Variants in OPCML observed in about 807,000 individuals in gnomAD.
OPCML encodes the protein opioid binding protein/cell adhesion molecule like.
A neutral mutation model predicts 37.8 loss-of-function variants in OPCML; 13 were observed. The observed-to-expected ratio is 0.34, with a 90% CI of 0.22 to 0.55. OPCML has a LOEUF of 0.55. Ranked by LOEUF, OPCML falls within the 20% of genes least tolerant of loss-of-function variation. The pLI, the probability that OPCML is intolerant of heterozygous loss-of-function variation, is 0.91. For synonymous variants in OPCML, 176 were observed against 168.8 expected, an observed-to-expected ratio of 1.04 and a Z score of -0.33; for missense variants, 341 against 435.6, an observed-to-expected ratio of 0.78 and a Z score of 1.93.
chr11:133,109,053 T>A (rs974302375), intron 1 of OPCML, among the ~76,000 whole-genome samples: 32 of 152,188 alleles, frequency 2.1e-4, no homozygotes, highest in African/African-American at 7.7e-4. Flanking sequence ...CTGGGTTTCC[T>A]GGCCGCTCTT....
intron 1 of OPCML, among the ~76,000 whole-genome samples, chr11:133,353,210 A>G (rs1471158773): frequency 6.6e-6 from 1 of 152,136 alleles, no homozygotes; most frequent in African/African-American, 2.4e-5. Context: ...CCTATTGCCC[A>G]GCTTGGAGTG....
At chr11:132,566,048 TA>T (rs568988694) in intron 3 of OPCML, among the ~76,000 whole-genome samples, 1 of 151,716 alleles carries the variant, frequency 6.6e-6, no homozygotes, top group African/African-American at 2.4e-5. Flanking sequence ...CAGAACAAAA[TA>T]AAAAAAACCT....
chr11:132,892,476 A>G (rs1368895931), intron 2 of OPCML, among the ~76,000 whole-genome samples: 1 of 152,238 alleles, frequency 6.6e-6, no homozygotes, highest in Admixed American at 6.5e-5. Flanking sequence ...TTTCAAAAGT[A>G]AAGTATTCTT....
chr11:132,570,764 T>TAG (rs1350468104), intron 3 of OPCML, among the ~76,000 whole-genome samples: 1 of 85,126 alleles, frequency 1.2e-5, no homozygotes, highest in Non-Finnish European at 2.2e-5. Flanking sequence ...AGTATATATA[T>TAG]ATATATATAT....
chr11:132,727,292 C>T lies in OPCML; in HGVS notation c.147-69973G>A, dbSNP rs537831330. 1.4e-4 allele frequency among the ~76,000 whole-genome samples: 22 copies of T among 152,310 alleles called. No homozygotes were observed. The South Asian group carries it at 3.7e-3, about 26-fold the overall frequency. ...GAGTCTAAAGCCCTGCTATTCAATACTAGGTGATCTGACGTTTCACCTGTG... is the reference window on the plus strand; with the variant it reads ...GAGTCTAAAGCCCTGCTATTCAATATTAGGTGATCTGACGTTTCACCTGTG... On this transcript the variant is annotated intron_variant, in intron 2 of 7. Coordinates refer to ENST00000524381, the MANE Select transcript of OPCML (RefSeq NM_001012393.5).
intron 1 of OPCML, among the ~76,000 whole-genome samples, chr11:133,242,985 C>A (rs773588757): frequency 6.6e-6 from 1 of 152,048 alleles, no homozygotes; most frequent in Non-Finnish European, 1.5e-5. Context: ...AATGTTACAC[C>A]GTGGTCTCTG....
intron 1 of OPCML, among the ~76,000 whole-genome samples, chr11:133,343,068 A>G (rs1012581045): frequency 2.6e-5 from 4 of 152,066 alleles, no homozygotes; most frequent in East Asian, 3.9e-4. Context: ...GCCTCAAACA[A>G]TCCTCCCAGC....
chr11:133,079,212 T>A (rs1269592308), intron 1 of OPCML, among the ~76,000 whole-genome samples: 1 of 152,172 alleles, frequency 6.6e-6, no homozygotes, highest in African/African-American at 2.4e-5. Context: ...CATTTTAAGC[T>A]AGTGTAAGTA....
intron 1 of OPCML, among the ~76,000 whole-genome samples, chr11:133,359,381 T>A (rs1311649483): frequency 2.0e-5 from 3 of 152,208 alleles, no homozygotes; most frequent in Admixed American, 1.3e-4. Flanking sequence ...CATATCCTAA[T>A]GATGTTGTCT....
At chr11:133,268,719 A>C (rs1941730914) in intron 1 of OPCML, among the ~76,000 whole-genome samples, 2 of 152,240 alleles carry the variant, frequency 1.3e-5, no homozygotes, top group Admixed American at 6.5e-5. Flanking sequence ...GAGCAAGTTA[A>C]ATTCATCATC....
intron 1 of OPCML, among the ~76,000 whole-genome samples, chr11:132,954,581 A>G (rs1167054848): frequency 2.6e-5 from 4 of 152,216 alleles, no homozygotes; most frequent in Non-Finnish European, 5.9e-5. Flanking sequence ...GCAGGGCGTT[A>G]AACATTGAAC....
intron 1 of OPCML, among the ~76,000 whole-genome samples, chr11:133,468,156 T>G (rs1441247218): frequency 6.6e-6 from 1 of 152,228 alleles, no homozygotes; most frequent in Non-Finnish European, 1.5e-5. Flanking sequence ...TTAAGGGGTT[T>G]TTCCTTGCCT....
At position 132,934,911 on chromosome 11, in the gene OPCML, G is replaced by C. The variant is rs6590667; in HGVS notation, c.146+8015C>G. 7.5e-3 allele frequency among the ~76,000 whole-genome samples: 1,141 copies of C among 152,148 alleles called. 14 individuals carry two copies. Among genetic ancestry groups the C allele is most frequent in the African/African-American group, 0.026 (1,084 of 41,480 alleles). On this transcript the variant is annotated intron_variant, in intron 2 of 7. Transcript: ENST00000524381. ...TCCTAGCACTTTGGGAGGCCGGGAT[G>C]GGGGGAACACCTGTGGTAGGGAGTT... is the stretch of plus-strand genomic sequence containing the variant.
At chr11:132,742,595 C>G (rs2136042474) in intron 2 of OPCML, among the ~76,000 whole-genome samples, 1 of 152,062 alleles carries the variant, frequency 6.6e-6, no homozygotes, top group South Asian at 2.1e-4. Context: ...CTAAGCCACT[C>G]TATCTCTGGT....
At chr11:132,543,117 A>G (rs2096360973) in intron 3 of OPCML, among the ~76,000 whole-genome samples, 1 of 152,202 alleles carries the variant, frequency 6.6e-6, no homozygotes, top group Admixed American at 6.6e-5. Context: ...ATTTTATTAA[A>G]ATAAGCAGTA....
chr11:133,123,968 C>T (rs567993698), intron 1 of OPCML, among the ~76,000 whole-genome samples: 7 of 152,080 alleles, frequency 4.6e-5, no homozygotes, highest in Admixed American at 6.5e-5. Flanking sequence ...CAGCATGAGT[C>T]GGGTCAAAGA....
chr11:133,219,860 T>C (rs1297302679), intron 1 of OPCML, among the ~76,000 whole-genome samples: 3 of 152,192 alleles, frequency 2.0e-5, no homozygotes, highest in Non-Finnish European at 4.4e-5. Flanking sequence ...TATCCTATAA[T>C]GCACAGAACC....
chr11:133,057,136 C>T (rs1948255631), intron 1 of OPCML, among the ~76,000 whole-genome samples: 1 of 152,234 alleles, frequency 6.6e-6, no homozygotes, highest in Non-Finnish European at 1.5e-5. Context: ...AGCTGCTGTG[C>T]CTGGCTAGGT....
chr11:133,171,590 G>A (rs530433016), intron 1 of OPCML, among the ~76,000 whole-genome samples: 10 of 152,332 alleles, frequency 6.6e-5, no homozygotes, highest in Admixed American at 3.3e-4. Flanking sequence ...GGAAGCCAGC[G>A]CTCGAACTGT....
Sources: allele counts gnomAD v4.1 joint callset (sites outside exome capture counted in the v4.1 genomes callset), GRCh38; gene constraint gnomAD v4.1.1; transcripts MANE v1.5; gene names NCBI Gene and HGNC (gene_info 2026-07-23, HGNC 2026-07-21).